RAD54L2: variants seen among roughly 807,000 people sequenced by gnomAD.
RAD54L2 encodes helicase ARIP4.
RAD54L2 carries 27 observed loss-of-function variants against 138.4 expected under a neutral mutation model. The observed-to-expected ratio is 0.20, with a 90% CI of 0.14 to 0.27. RAD54L2 has a LOEUF of 0.27. Ranked by LOEUF, RAD54L2 falls within the 10% of genes least tolerant of loss-of-function variation. The pLI is 1.00. For missense variants in RAD54L2, 1,396 were observed against 1,890.2 expected, an observed-to-expected ratio of 0.74 and a Z score of 4.85; for synonymous variants, 644 against 723.2, an observed-to-expected ratio of 0.89 and a Z score of 1.76.
chr3:51,664,599 T>C lies in RAD54L2; in HGVS notation c.*1179T>C, dbSNP rs1461769832. The C allele has an allele frequency of 2.6e-5, 4 of 152,232 alleles. 1 individual carries two copies. In the South Asian group the frequency reaches 6.2e-4, roughly 24 times the overall value. The allele number at this position is 152,232 out of a possible 1,614,324, so 9.4% of individuals were successfully genotyped here. Reference sequence around the variant, plus strand: ...AGGGTAGGTGATAGAAAGGGAAGTTTTAAGATATCCCAGACCCTATAGCCA... The same window carrying C: ...AGGGTAGGTGATAGAAAGGGAAGTTCTAAGATATCCCAGACCCTATAGCCA... On this transcript the variant is annotated 3_prime_UTR_variant, in exon 23 of 23. Coordinates refer to ENST00000684192, the MANE Select transcript of RAD54L2 (RefSeq NM_015106.4).
intron 2 of RAD54L2, among the ~76,000 whole-genome samples, chr3:51,560,889 A>T (rs1699082007): frequency 6.6e-6 from 1 of 152,234 alleles, no homozygotes; most frequent in African/African-American, 2.4e-5. Flanking sequence ...TCATTTTACA[A>T]GTGAGGAAAC....
intron 3 of RAD54L2, among the ~76,000 whole-genome samples, chr3:51,622,640 G>A (rs1700592033): frequency 1.3e-5 from 2 of 152,144 alleles, no homozygotes; most frequent in Non-Finnish European, 2.9e-5. Flanking sequence ...CACTTTTACA[G>A]TAATCACATT....
intron 19 of RAD54L2, among the ~76,000 whole-genome samples, chr3:51,652,148 CAGAG>C (rs1415860979): frequency 3.9e-5 from 6 of 152,278 alleles, no homozygotes; most frequent in African/African-American, 1.2e-4. Context: ...CAATAACAGA[CAGAG>C]AGCCAAATCA....
At chr3:51,558,355 A>C (rs962667395) in intron 2 of RAD54L2, among the ~76,000 whole-genome samples, 2 of 152,110 alleles carry the variant, frequency 1.3e-5, no homozygotes, top group Non-Finnish European at 2.9e-5. Flanking sequence ...TGTTTAGAGG[A>C]AGACTATTTT....
chr3:51,638,219 C>T lies in RAD54L2; in HGVS notation c.1758C>T (p.Ile586=), dbSNP rs553639537. 6.2e-7 allele frequency: 1 copy of T among 1,613,944 alleles called. No homozygotes were observed. The highest frequency in any genetic ancestry group is 1.3e-5 in the African/African-American group (1 of 75,034). The change falls in exon 12 of 23, where the codon ATC becomes ATT. Residue 586 remains isoleucine (I), a synonymous_variant. Transcript: ENST00000684192. This position sits in a 1 kb window ranked among gnomAD's most constrained non-coding sequence, Gnocchi z 4.3. ...ENVILVRLSK[I]QRDLYTQFMD... is the part of the protein sequence containing the mutation. ...TGATCCTTGTGCGGCTCTCCAAGAT[C>T]CAGCGAGATTTGTATACACAGTTCA...
chr3:51,651,044 C>G (rs1701418502), intron 19 of RAD54L2, among the ~76,000 whole-genome samples: 1 of 151,774 alleles, frequency 6.6e-6, no homozygotes, highest in Admixed American at 6.6e-5. Flanking sequence ...ACTAGCAAGA[C>G]TAAGAAAGAA....
In RAD54L2 at chr3:51,639,401, C is replaced by T. The variant is rs1701068850; in HGVS notation, c.1861-18C>T. 3 of 1,612,720 alleles carry T rather than the reference C, an allele frequency of 1.9e-6. No homozygotes were observed. The highest frequency in any genetic ancestry group is 4.5e-5 in the East Asian group (2 of 44,856). On this transcript the variant is annotated intron_variant, in intron 12 of 22. Transcript: ENST00000684192. ...TGTTTTTTGTCCTGTGTCTCCTCTC[C>T]CTTTCCTTGAACCTCAGATCTGGAA...
chr3:51,590,958 A>G lies in RAD54L2; in HGVS notation c.139+399A>G, dbSNP rs959491350. 3.9e-5 allele frequency among the ~76,000 whole-genome samples: 6 copies of G among 152,182 alleles called. No individual in the cohort carries two copies. In the East Asian group the frequency reaches 1.2e-3, roughly 29 times the overall value. On this transcript the variant is annotated intron_variant, in intron 3 of 22. Transcript: ENST00000684192. ...TGTGAGTGGTCTGTAAGTTTTCTGA[A>G]ATTATACATACAATTGTGCTTGTGT...
At chr3:51,557,180 C>CTT (rs58428110) in intron 2 of RAD54L2, among the ~76,000 whole-genome samples, 1 of 113,342 alleles carries the variant, frequency 8.8e-6, no homozygotes, top group African/African-American at 3.4e-5. Flanking sequence ...TTGTTGTTGG[C>CTT]TTTTTTTTTT....
chr3:51,654,205 G>A (rs182324918), intron 19 of RAD54L2, among the ~76,000 whole-genome samples: 13 of 152,082 alleles, frequency 8.5e-5, no homozygotes, highest in Admixed American at 8.5e-4. Flanking sequence ...ACACCACCAC[G>A]CGTGGCTAAT....
intron 19 of RAD54L2, among the ~76,000 whole-genome samples, chr3:51,647,242 G>C (rs1701302147): frequency 6.6e-6 from 1 of 152,090 alleles, no homozygotes; most frequent in Non-Finnish European, 1.5e-5. Flanking sequence ...TCACTCTGTT[G>C]CCTAGGCTGG....
At chr3:51,647,769 T>A (rs1369404086) in intron 19 of RAD54L2, among the ~76,000 whole-genome samples, 1 of 152,142 alleles carries the variant, frequency 6.6e-6, no homozygotes, top group African/African-American at 2.4e-5. Context: ...CATATCAGCC[T>A]CCCAAAATGT....
chr3:51,592,971 G>A (rs910280980), intron 3 of RAD54L2, among the ~76,000 whole-genome samples: 8 of 152,140 alleles, frequency 5.3e-5, no homozygotes, highest in Admixed American at 3.9e-4. Context: ...CTGCCATCCC[G>A]TAGTCATGGG....
intron 3 of RAD54L2, among the ~76,000 whole-genome samples, chr3:51,619,881 TTTGATTAA>T (rs2106776906): frequency 6.6e-6 from 1 of 152,272 alleles, no homozygotes; most frequent in Non-Finnish European, 1.5e-5. Flanking sequence ...TCTAGTGAAT[TTTGATTAA>T]ACAATGCATA....
At chr3:51,578,198 G>T (rs773003728) in intron 2 of RAD54L2, among the ~76,000 whole-genome samples, 1 of 134,642 alleles carries the variant, frequency 7.4e-6, no homozygotes, top group Non-Finnish European at 1.5e-5. Flanking sequence ...CAGTTAGTCT[G>T]TTATAATCTG....
intron 3 of RAD54L2, among the ~76,000 whole-genome samples, chr3:51,593,359 G>T (rs547144991): frequency 2.0e-5 from 3 of 149,198 alleles, no homozygotes; most frequent in Non-Finnish European, 4.4e-5. Context: ...TTGAGATGGA[G>T]TCTTGCTCTG....
chr3:51,587,237 A>G (rs1051413177), intron 2 of RAD54L2, among the ~76,000 whole-genome samples: 11 of 151,994 alleles, frequency 7.2e-5, no homozygotes, highest in African/African-American at 2.7e-4. Context: ...AGTAGCTGGG[A>G]CTACAGGCGC....
intron 3 of RAD54L2, among the ~76,000 whole-genome samples, chr3:51,601,491 A>G (rs1700079480): frequency 6.6e-6 from 1 of 151,596 alleles, no homozygotes; most frequent in East Asian, 1.9e-4. Flanking sequence ...TATTTTTAGT[A>G]GAGATGGGGT....
intron 21 of RAD54L2, 144 bp from the exon 22 acceptor site, chr3:51,659,882 C>G (rs1241964393): frequency 3.0e-5 from 16 of 539,252 alleles, no homozygotes; most frequent in Middle Eastern, 4.1e-4. Flanking sequence ...GCTCAGTCAC[C>G]CCACTTCTTA....
Sources: allele counts gnomAD v4.1 joint callset (sites outside exome capture counted in the v4.1 genomes callset), GRCh38; gene constraint gnomAD v4.1.1; non-coding constraint Gnocchi (gnomAD v3.1); transcripts MANE v1.5; gene names NCBI Gene and HGNC (gene_info 2026-07-23, HGNC 2026-07-21).